Variants in GPAM observed in about 807,000 individuals in gnomAD.
GPAM encodes the protein glycerol-3-phosphate acyltransferase 1, mitochondrial.
In GPAM, 56 loss-of-function variants were observed where a neutral mutation model predicts 105.0. The observed-to-expected ratio is 0.53, with a 90% confidence interval of 0.43 to 0.67. The LOEUF is 0.67. Ranked by LOEUF, GPAM falls within the 30% of genes least tolerant of loss-of-function variation. GPAM has a pLI of 0.00. For synonymous variants in GPAM, 368 were observed against 354.4 expected (o/e 1.04, Z -0.43); for missense variants, 855 against 989.8 (o/e 0.86, Z 1.83).
Position 112,152,237 on chromosome 10 carries a change from C to T in GPAM, c.*1313G>A, listed in dbSNP as rs1197453142. ...TAAGCAACAGTAAACTGTTAGAAAA[C>T]GTTTTAACATTACATGATATTTAAA... On this transcript the variant is annotated 3_prime_UTR_variant, in exon 22 of 22. Transcript: ENST00000348367. 20 of 976,870 alleles carry T rather than the reference C, an allele frequency of 2.0e-5. 1 individual carries two copies. The highest frequency in any genetic ancestry group is 9.5e-5 in the South Asian group (2 of 21,116). The allele number at this position is 976,870 out of a possible 1,614,324, so 60.5% of individuals were successfully genotyped here. A position where few individuals can be genotyped will look rare whatever the true frequency, so the allele number is the denominator to read the frequency against.
At chr10:112,176,740 C>G (rs1395557592) in intron 5 of GPAM, among the ~76,000 whole-genome samples, 2 of 152,142 alleles carry the variant, frequency 1.3e-5, no homozygotes, top group Non-Finnish European at 2.9e-5. Flanking sequence ...TGACTGAAAG[C>G]ATTGTGTGTG....
chr10:112,225,516 GA>G, the GPAM span, among the ~76,000 whole-genome samples: 1 of 152,144 alleles, frequency 6.6e-6, no homozygotes, highest in African/African-American at 2.4e-5. Context: ...CCACTACCAG[GA>G]TGTTTACATG....
At chr10:112,199,211 CT>C (rs1847763822) in intron 1 of GPAM, among the ~76,000 whole-genome samples, 1 of 152,078 alleles carries the variant, frequency 6.6e-6, no homozygotes, top group Non-Finnish European at 1.5e-5. Flanking sequence ...CTGCCTCGGC[CT>C]TCCAAAGTGC....
Position 112,151,056 on chromosome 10 carries a change from T to A in GPAM, c.*2494A>T. 1.0e-6 allele frequency: 1 copy of A among 985,554 alleles called. No individual in the cohort carries two copies. Among genetic ancestry groups the A allele is most frequent in the Non-Finnish European group, 1.2e-6 (1 of 829,656 alleles). 61.1% of individuals were successfully genotyped at this position (985,554 alleles called of 1,614,324 possible). A position where few individuals can be genotyped will look rare whatever the true frequency, so the allele number is the denominator to read the frequency against. On this transcript the variant is annotated 3_prime_UTR_variant, in exon 22 of 22. Transcript: ENST00000348367. The stretch of plus-strand genomic sequence containing the variant: ...CACAACTTCCCTCCTCTCTTCTGAA[T>A]CACTTAGGACATTCTCATTTTCAAA...
rs766173915 is a variant in GPAM, at chr10:112,155,960, C to G, written c.2215G>C (p.Val739Leu). 1.9e-6 allele frequency: 3 copies of G among 1,612,126 alleles called. No individual in the cohort carries two copies. The African/African-American group carries it at 4.0e-5, about 22-fold the overall frequency. The change falls in exon 20 of 22, where the codon GTT (valine) becomes CTT (leucine). Residue 739 changes from valine (V) to leucine (L), a missense_variant. Coordinates refer to ENST00000348367, the MANE Select transcript of GPAM (RefSeq NM_001244949.2). ...LEAYSSAAIFVHNFSGPVPEP... is the reference protein window; with the variant it reads ...LEAYSSAAIFLHNFSGPVPEP... The stretch of plus-strand genomic sequence containing the variant: ...GGAACAGGACCACTGAAGTTGTGAA[C>G]AAAGATGGCAGCAGAGCTGTAGGCC...
At chr10:112,224,125 C>T in the GPAM span, among the ~76,000 whole-genome samples, 1 of 152,122 alleles carries the variant, frequency 6.6e-6, no homozygotes, top group Non-Finnish European at 1.5e-5. Context: ...CCCACACCCC[C>T]CAACTGAGAA....
intron 5 of GPAM, among the ~76,000 whole-genome samples, chr10:112,175,949 T>C (rs532147338): frequency 1.1e-3 from 160 of 152,200 alleles, no homozygotes; most frequent in Non-Finnish European, 2.0e-3. Context: ...TGAATAGTGT[T>C]ACTGTGCCGA....
In GPAM at chr10:112,166,948, C is replaced by T. The variant is rs544044333; in HGVS notation, c.1108-433G>A. Among the ~76,000 whole-genome samples the T allele has an allele frequency of 7.9e-5, 12 of 152,226 alleles. No homozygotes were observed. The South Asian group carries it at 1.2e-3, about 16-fold the overall frequency. On this transcript the variant is annotated intron_variant, in intron 11 of 21. Transcript: ENST00000348367. ...AATATTAGGCAAGTAATTGCAAATC[C>T]AGCCTTACAGTGGCCTTTGAGCTGA... is the stretch of plus-strand genomic sequence containing the variant.
At chr10:112,192,648 A>G (rs1398820206) in intron 1 of GPAM, among the ~76,000 whole-genome samples, 1 of 152,198 alleles carries the variant, frequency 6.6e-6, no homozygotes, top group Non-Finnish European at 1.5e-5. Context: ...GTGTGGCTGG[A>G]GTGGGTAAGT....
chr10:112,185,061 C>A (rs1005211329), upstream of GPAM, among the ~76,000 whole-genome samples: 4 of 152,166 alleles, frequency 2.6e-5, no homozygotes, highest in African/African-American at 4.8e-5. Flanking sequence ...GGCACCCCGA[C>A]TGGAAAACCT....
rs531865364 is a variant in GPAM at position 112,178,336 on chromosome 10, G to A, written c.226-279C>T. On this transcript the variant is annotated intron_variant, in intron 4 of 21. Coordinates refer to ENST00000348367, the MANE Select transcript of GPAM (RefSeq NM_001244949.2). Reference sequence around the variant, plus strand: ...AGGCCGAAGCGGGCAGATCACCTGAGGTCATTAGTTTGAGACCAGCCTGGC... The same window carrying A: ...AGGCCGAAGCGGGCAGATCACCTGAAGTCATTAGTTTGAGACCAGCCTGGC... Among the ~76,000 whole-genome samples, 7 of 152,174 alleles carry A rather than the reference G, an allele frequency of 4.6e-5. No homozygotes were observed. The South Asian group carries it at 1.5e-3, about 32-fold the overall frequency.
intron 1 of GPAM, among the ~76,000 whole-genome samples, chr10:112,202,788 G>T (rs371372253): frequency 6.6e-6 from 1 of 152,272 alleles, no homozygotes; most frequent in East Asian, 1.9e-4. Flanking sequence ...TGAGTCACTG[G>T]CCAGGGGTAA....
upstream of GPAM, among the ~76,000 whole-genome samples, chr10:112,186,677 GC>G (rs1211048399): frequency 2.0e-5 from 3 of 151,874 alleles, no homozygotes; most frequent in South Asian, 4.2e-4. Flanking sequence ...CTCCCGAGTA[GC>G]TGGGATTACA....
upstream of GPAM, among the ~76,000 whole-genome samples, chr10:112,188,660 G>C (rs1847622234): frequency 1.3e-5 from 2 of 152,166 alleles, no homozygotes; most frequent in Non-Finnish European, 2.9e-5. Flanking sequence ...ATGTACCTCT[G>C]TGTACATTGC....
intron 4 of GPAM, 119 bp from the exon 5 acceptor site, chr10:112,178,176 A>G (rs988407425): frequency 1.5e-6 from 1 of 646,388 alleles, no homozygotes; most frequent in African/African-American, 1.8e-5. Flanking sequence ...TGCCTCAAAA[A>G]TCTTAGGGAA....
At chr10:112,158,224 C>T (rs6585140) in intron 18 of GPAM, 92 bp downstream of exon 18, 1 of 893,864 alleles carries the variant, frequency 1.1e-6, no homozygotes, top group Non-Finnish European at 1.9e-6. Flanking sequence ...TGCCACCATG[C>T]CTGGCCAATT....
chr10:112,212,825 C>T (rs1473484179), intron 1 of GPAM, among the ~76,000 whole-genome samples: 1 of 152,218 alleles, frequency 6.6e-6, no homozygotes, highest in Non-Finnish European at 1.5e-5. Context: ...GGGCAAAGCA[C>T]TCAGCACAGT....
At chr10:112,219,781 C>A (rs937631619), upstream of GPAM, among the ~76,000 whole-genome samples, 8 of 152,162 alleles carry the variant, frequency 5.3e-5, no homozygotes, top group African/African-American at 1.9e-4. Context: ...ATCTAAGCAA[C>A]CCCAATTTGC....
chr10:112,150,368 A>G lies in GPAM; in HGVS notation c.*3182T>C, dbSNP rs1420763526. On this transcript the variant is annotated 3_prime_UTR_variant, in exon 22 of 22. Transcript: ENST00000348367. Reference sequence around the variant, plus strand: ...CCATGTATTCTGATACGTTCAGTGAAAAAGCCAGGATCATTGGGGCTGTTC... The same window carrying G: ...CCATGTATTCTGATACGTTCAGTGAGAAAGCCAGGATCATTGGGGCTGTTC... The G allele has an allele frequency of 5.1e-6, 5 of 985,508 alleles. No individual in the cohort carries two copies. The highest frequency in any genetic ancestry group is 4.8e-6 in the Non-Finnish European group (4 of 829,706). The allele number at this position is 985,508 out of a possible 1,614,324, so 61.0% of individuals were successfully genotyped here. A position where few individuals can be genotyped will look rare whatever the true frequency, so the allele number is the denominator to read the frequency against.
Sources: gnomAD v4.1 joint callset for allele counts (sites outside exome capture counted in the v4.1 genomes callset) on GRCh38, gnomAD v4.1.1 for gene constraint, MANE v1.5 for transcripts, NCBI Gene and HGNC (gene_info 2026-07-23, HGNC 2026-07-21) for gene names.